Variants in ARHGEF38 observed in about 807,000 individuals in gnomAD.
ARHGEF38 encodes the protein Rho guanine nucleotide exchange factor 38, also known as Rho guanine nucleotide exchange factor (GEF) 38.
Under a neutral mutation model 79.9 loss-of-function variants are expected in ARHGEF38, and 79 were observed. That is an observed-to-expected ratio of 0.99 (90% CI 0.82 to 1.19). The LOEUF (loss-of-function observed/expected upper bound fraction) is 1.19. Ranked by LOEUF, ARHGEF38 falls within the 50% of genes most tolerant of loss-of-function variation. The pLI is 0.00. For missense variants in ARHGEF38, 962 were observed against 907.2 expected (o/e 1.06, Z -0.78); for synonymous variants, 366 against 328.3 (o/e 1.11, Z -1.24).
intron 1 of ARHGEF38, among the ~76,000 whole-genome samples, chr4:105,571,170 C>T (rs939320043): frequency 7.9e-5 from 12 of 152,090 alleles, no homozygotes; most frequent in Non-Finnish European, 1.3e-4. Context: ...TACCATTATA[C>T]ATTTTATGTC....
chr4:105,561,663 TC>T (rs1367491890), intron 1 of ARHGEF38: 2 of 152,100 alleles, frequency 1.3e-5, no homozygotes, highest in Non-Finnish European at 2.9e-5. Flanking sequence ...GGAATACCTT[TC>T]CTCTACCCTC....
chr4:105,584,580 G>C (rs1013966487), intron 1 of ARHGEF38, among the ~76,000 whole-genome samples: 2 of 152,040 alleles, frequency 1.3e-5, no homozygotes, highest in Admixed American at 6.6e-5. Context: ...AGGCAGTCTG[G>C]CTCCCAAGGC....
intron 13 of ARHGEF38, among the ~76,000 whole-genome samples, chr4:105,673,015 T>C (rs1731006063): frequency 6.6e-6 from 1 of 152,190 alleles, no homozygotes; most frequent in Non-Finnish European, 1.5e-5. Context: ...ACTTCAAAAG[T>C]CTCATATGAG....
intron 1 of ARHGEF38, among the ~76,000 whole-genome samples, chr4:105,562,465 A>G (rs953639972): frequency 7.9e-5 from 12 of 152,124 alleles, no homozygotes; most frequent in African/African-American, 2.9e-4. Context: ...CTTACCCACT[A>G]TGTAATGGTA....
chr4:105,610,952 G>C (rs1728269019), intron 2 of ARHGEF38, among the ~76,000 whole-genome samples: 1 of 152,086 alleles, frequency 6.6e-6, no homozygotes, highest in South Asian at 2.1e-4. Flanking sequence ...AGATAGTAAA[G>C]TACTCTATTA....
chr4:105,612,535 G>C (rs1036638993), intron 2 of ARHGEF38, among the ~76,000 whole-genome samples: 41 of 152,080 alleles, frequency 2.7e-4, no homozygotes, highest in African/African-American at 8.9e-4. Flanking sequence ...CACCAATACG[G>C]CTGTGGCCTG....
intron 2 of ARHGEF38, among the ~76,000 whole-genome samples, chr4:105,600,396 C>T (rs1032236016): frequency 6.6e-6 from 1 of 152,146 alleles, no homozygotes; most frequent in South Asian, 2.1e-4. Context: ...AAAAACAGTG[C>T]CTTCTGTCTT....
chr4:105,641,676 T>G (rs1259326986), intron 5 of ARHGEF38, among the ~76,000 whole-genome samples: 1 of 152,064 alleles, frequency 6.6e-6, no homozygotes, highest in Non-Finnish European at 1.5e-5. Context: ...TTTTATGTAT[T>G]TTTTCCTTCC....
intron 2 of ARHGEF38, among the ~76,000 whole-genome samples, chr4:105,592,121 C>T (rs1045255443): frequency 1.3e-5 from 2 of 152,140 alleles, no homozygotes; most frequent in African/African-American, 4.8e-5. Flanking sequence ...AAATTTGGAA[C>T]CTAGCCCACT....
At chr4:105,660,942 C>T (rs2110566977) in intron 10 of ARHGEF38, among the ~76,000 whole-genome samples, 1 of 152,224 alleles carries the variant, frequency 6.6e-6, no homozygotes, top group Admixed American at 6.5e-5. Context: ...AATTTTAGAA[C>T]ATTGTCGTGG....
intron 4 of ARHGEF38, among the ~76,000 whole-genome samples, chr4:105,635,712 A>G (rs1458832901): frequency 6.6e-6 from 1 of 152,136 alleles, no homozygotes; most frequent in Non-Finnish European, 1.5e-5. Flanking sequence ...AATATTGGGC[A>G]GGAGGTGGTG....
At chr4:105,565,016 C>T (rs1029320619) in intron 1 of ARHGEF38, among the ~76,000 whole-genome samples, 1 of 152,226 alleles carries the variant, frequency 6.6e-6, no homozygotes, top group Non-Finnish European at 1.5e-5. Context: ...CCTCATTGCT[C>T]TGTCTGTGCT....
At chr4:105,622,296 C>T (rs1027394580) in intron 3 of ARHGEF38, among the ~76,000 whole-genome samples, 3 of 152,006 alleles carry the variant, frequency 2.0e-5, no homozygotes, top group Non-Finnish European at 4.4e-5. Flanking sequence ...TCACATATTG[C>T]GCAGGATACA....
rs181588084 is a variant in ARHGEF38 at position 105,642,027 on chromosome 4, C to T, written c.675-3161C>T. Reference sequence around the variant, plus strand: ...CCAATATATATGAGCAATTGTTACACGTTTGTTTACTTACTGTGGGGAGTC... The same window carrying T: ...CCAATATATATGAGCAATTGTTACATGTTTGTTTACTTACTGTGGGGAGTC... On this transcript the variant is annotated intron_variant, in intron 5 of 13. Coordinates refer to ENST00000420470, the MANE Select transcript of ARHGEF38 (RefSeq NM_001242729.2). Among the ~76,000 whole-genome samples the T allele has an allele frequency of 4.5e-4, 69 of 152,152 alleles. 1 individual carries two copies. Among genetic ancestry groups the T allele is most frequent in the Admixed American group, 2.2e-3 (34 of 15,290 alleles).
chr4:105,619,776 G>T lies in ARHGEF38; in HGVS notation c.508+6269G>T, dbSNP rs540769378. 1.2e-4 allele frequency among the ~76,000 whole-genome samples: 18 copies of T among 152,278 alleles called. No individual in the cohort carries two copies. The Middle Eastern group carries it at 0.017, about 144-fold the overall frequency. ...CCGAGAAGGCCTCTCTGAGCCAAACGTTGTAGACAGACCAAAATGAGTTCA... is the reference window on the plus strand; with the variant it reads ...CCGAGAAGGCCTCTCTGAGCCAAACTTTGTAGACAGACCAAAATGAGTTCA... On this transcript the variant is annotated intron_variant, in intron 3 of 13. Transcript: ENST00000420470.
Position 105,679,886 on chromosome 4 carries a change from C to T in ARHGEF38, c.*1949C>T, listed in dbSNP as rs539278430. On this transcript the variant is annotated 3_prime_UTR_variant, in exon 14 of 14. Transcript: ENST00000420470. ...GTCAACTACAGGAATGTCCAAACCA[C>T]GAGGAGCCACATTGGTTGCCACCAA... The T allele has an allele frequency of 1.6e-5, 23 of 1,431,948 alleles. No homozygotes were observed. In the African/African-American group the frequency reaches 1.7e-4, roughly 10 times the overall value. 88.7% of individuals were successfully genotyped at this position (1,431,948 alleles called of 1,614,324 possible).
intron 1 of ARHGEF38, among the ~76,000 whole-genome samples, chr4:105,577,079 T>G (rs1159401445): frequency 1.1e-5 from 1 of 93,314 alleles, no homozygotes; most frequent in African/African-American, 4.3e-5. Flanking sequence ...AGCTTTCTTT[T>G]TTTTTACTTT....
intron 1 of ARHGEF38, among the ~76,000 whole-genome samples, chr4:105,567,253 T>A (rs191696059): frequency 2.6e-5 from 4 of 152,346 alleles, no homozygotes; most frequent in Admixed American, 2.6e-4. Context: ...TTTTAAATAC[T>A]GACCAATATT....
At chr4:105,669,386 C>T (rs1038058546) in intron 13 of ARHGEF38, among the ~76,000 whole-genome samples, 1 of 152,078 alleles carries the variant, frequency 6.6e-6, no homozygotes, top group African/African-American at 2.4e-5. Flanking sequence ...AAGGAAGGGG[C>T]TTGTCCATCT....
Sources: allele counts gnomAD v4.1 joint callset (sites outside exome capture counted in the v4.1 genomes callset), GRCh38; gene constraint gnomAD v4.1.1; transcripts MANE v1.5; gene names NCBI Gene and HGNC (gene_info 2026-07-23, HGNC 2026-07-21).